RFX7: variants seen among roughly 807,000 people sequenced by gnomAD.
RFX7 encodes the protein regulatory factor X7, also known as DNA-binding protein RFX7.
In RFX7, 26 loss-of-function variants were observed where a neutral mutation model predicts 111.8. The ratio of observed to expected loss-of-function variants is 0.23; its 90% CI spans 0.17 to 0.32. The LOEUF (loss-of-function observed/expected upper bound fraction) is 0.32. RFX7 is among the 10% of genes least tolerant of loss of function. The pLI is 1.00. For missense variants in RFX7, 1,573 were observed against 1,772.9 expected, an observed-to-expected ratio of 0.89 and a Z score of 2.02; for synonymous variants, 624 against 624.4, an observed-to-expected ratio of 1.00 and a Z score of 0.01.
At chr15:56,236,975 G>A (rs2043630871) in intron 2 of RFX7, among the ~76,000 whole-genome samples, 1 of 151,972 alleles carries the variant, frequency 6.6e-6, no homozygotes, top group South Asian at 2.1e-4. Flanking sequence ...GCACAAGGTA[G>A]CAATAAGCAA....
intron 2 of RFX7, among the ~76,000 whole-genome samples, chr15:56,181,126 A>G (rs1197409514): frequency 6.6e-6 from 1 of 152,212 alleles, no homozygotes; most frequent in Non-Finnish European, 1.5e-5. Context: ...AAAACCCAGT[A>G]TGACCCAATC....
chr15:56,174,539 G>C (rs921155925), intron 3 of RFX7, among the ~76,000 whole-genome samples: 1 of 152,080 alleles, frequency 6.6e-6, no homozygotes, highest in Admixed American at 6.5e-5. Flanking sequence ...ATGAGGTCAA[G>C]AGATCGAGAC....
intron 5 of RFX7, among the ~76,000 whole-genome samples, chr15:56,118,411 T>G (rs2042035825): frequency 6.6e-6 from 1 of 152,196 alleles, no homozygotes; most frequent in South Asian, 2.1e-4. Flanking sequence ...TATTTTAATT[T>G]TTAGCTCCCA....
In RFX7 at chr15:56,092,097, G is replaced by A. The variant is rs2041603358; in HGVS notation, c.*1248C>T. On this transcript the variant is annotated 3_prime_UTR_variant, in exon 10 of 10. Transcript: ENST00000559447. ...TAATTATTCACAAAACAAAATGGGA[G>A]CCATAGAGAGAAACATTTTAAAACA... 6.6e-6 allele frequency: 1 copy of A among 152,514 alleles called. No individual in the cohort carries two copies. Among genetic ancestry groups the A allele is most frequent in the African/African-American group, 2.4e-5 (1 of 41,450 alleles). 9.4% of individuals were successfully genotyped at this position (152,514 alleles called of 1,614,324 possible).
chr15:56,131,700 A>G (rs548356468), intron 5 of RFX7, among the ~76,000 whole-genome samples: 1 of 152,340 alleles, frequency 6.6e-6, no homozygotes, highest in Non-Finnish European at 1.5e-5. Flanking sequence ...AGTCTTGTTC[A>G]ACTATAAGTG....
chr15:56,115,223 G>A (rs1208467088), intron 5 of RFX7, among the ~76,000 whole-genome samples: 1 of 152,142 alleles, frequency 6.6e-6, no homozygotes, highest in African/African-American at 2.4e-5. Context: ...TGTTGGCCAG[G>A]CTGGTCTCGA....
chr15:56,177,490 A>G (rs759385154), intron 3 of RFX7, among the ~76,000 whole-genome samples: 2 of 152,178 alleles, frequency 1.3e-5, no homozygotes, highest in African/African-American at 2.4e-5. Flanking sequence ...ACCTAACACA[A>G]TATTTTTTAA....
At chr15:56,165,982 G>C (rs993277409) in intron 3 of RFX7, among the ~76,000 whole-genome samples, 8 of 152,116 alleles carry the variant, frequency 5.3e-5, no homozygotes, top group African/African-American at 1.9e-4. Flanking sequence ...GCTCACTGCA[G>C]CCTTTGACCT....
intron 2 of RFX7, among the ~76,000 whole-genome samples, chr15:56,213,092 T>A (rs1240943157): frequency 2.0e-5 from 3 of 152,166 alleles, no homozygotes; most frequent in Non-Finnish European, 4.4e-5. Context: ...GGTACAGACA[T>A]TCTGGAAAAG....
chr15:56,087,293 A>G lies in RFX7; in HGVS notation c.*6052T>C. 2.7e-6 allele frequency: 1 copy of G among 363,850 alleles called. No individual in the cohort carries two copies. The highest frequency in any genetic ancestry group is 5.5e-6 in the Non-Finnish European group (1 of 182,822). The allele number at this position is 363,850 out of a possible 1,614,324, so 22.5% of individuals were successfully genotyped here. ...ACTCAAAATAAATGTGAGTTAAACC[A>G]GAAAGACATTTATTTCTCTCATGTA... On this transcript the variant is annotated 3_prime_UTR_variant, in exon 10 of 10. Transcript: ENST00000559447.
intron 3 of RFX7, among the ~76,000 whole-genome samples, chr15:56,163,550 A>G (rs932572890): frequency 5.9e-5 from 9 of 152,206 alleles, no homozygotes; most frequent in African/African-American, 1.9e-4. Flanking sequence ...GACATACAAT[A>G]AAATTTAAAA....
At chr15:56,141,519 A>G (rs2141021927) in intron 5 of RFX7, among the ~76,000 whole-genome samples, 1 of 151,782 alleles carries the variant, frequency 6.6e-6, no homozygotes, top group East Asian at 1.9e-4. Flanking sequence ...CTTGATCTTC[A>G]ATCCAGAGTT....
chr15:56,131,259 T>C (rs1160514109), intron 5 of RFX7, among the ~76,000 whole-genome samples: 1 of 149,902 alleles, frequency 6.7e-6, no homozygotes, highest in Non-Finnish European at 1.5e-5. Context: ...AATAAGAGAT[T>C]ATATTAGGTA....
chr15:56,127,648 T>C (rs1163153431), intron 5 of RFX7, among the ~76,000 whole-genome samples: 1 of 151,010 alleles, frequency 6.6e-6, no homozygotes, highest in Non-Finnish European at 1.5e-5. Context: ...CCCAGGTTCA[T>C]GCCATTCTCC....
At position 56,095,617 on chromosome 15, in the gene RFX7, T is replaced by C. The variant is rs776955348; in HGVS notation, c.2111A>G (p.Lys704Arg). 100 of 1,613,878 alleles carry C rather than the reference T, an allele frequency of 6.2e-5. No individual in the cohort carries two copies. Among genetic ancestry groups the C allele is most frequent in the Middle Eastern group, 1.6e-4 (1 of 6,084 alleles). The change falls in exon 10 of 10, where the codon AAA (lysine) becomes AGA (arginine). Residue 704 changes from lysine to arginine, a missense_variant. Coordinates refer to ENST00000559447, the MANE Select transcript of RFX7 (RefSeq NM_022841.7). ...KKDQKVPHSG[K>R]TEGSTAGAQI... ...AGCACCTGCTGTTGAACCTTCTGTT[T>C]TCCCTGAATGTGGAACCTTTTGGTC...
chr15:56,128,388 TTAAG>T (rs1344873266), intron 5 of RFX7, among the ~76,000 whole-genome samples: 1 of 152,204 alleles, frequency 6.6e-6, no homozygotes, highest in African/African-American at 2.4e-5. Flanking sequence ...GATATCATGA[TTAAG>T]TGTGATTTAT....
At chr15:56,124,839 G>T (rs958543447) in intron 5 of RFX7, among the ~76,000 whole-genome samples, 2 of 152,056 alleles carry the variant, frequency 1.3e-5, no homozygotes, top group Non-Finnish European at 2.9e-5. Context: ...TGTTATCTTT[G>T]CTGTGAAGAA....
At chr15:56,140,162 C>G (rs1476020807) in intron 5 of RFX7, among the ~76,000 whole-genome samples, 1 of 152,234 alleles carries the variant, frequency 6.6e-6, no homozygotes, top group Non-Finnish European at 1.5e-5. Context: ...AGCTTCCTGG[C>G]TGCTTTGTTT....
chr15:56,123,078 A>C (rs866141316), intron 5 of RFX7, among the ~76,000 whole-genome samples: 2 of 152,164 alleles, frequency 1.3e-5, no homozygotes, highest in Admixed American at 6.5e-5. Context: ...GCACCTAAGC[A>C]GCAAAACAAA....
Sources: gnomAD v4.1 joint callset for allele counts (sites outside exome capture counted in the v4.1 genomes callset) on GRCh38, gnomAD v4.1.1 for gene constraint, MANE v1.5 for transcripts, NCBI Gene and HGNC (gene_info 2026-07-23, HGNC 2026-07-21) for gene names.